Variants in FABP7 observed in about 807,000 individuals in gnomAD.
The protein encoded by FABP7 is fatty acid binding protein 7, also known as fatty acid-binding protein, brain.
FABP7 carries 13 observed loss-of-function variants against 14.2 expected under a neutral mutation model. The ratio of observed to expected loss-of-function variants is 0.91; its 90% CI spans 0.59 to 1.45. The LOEUF (loss-of-function observed/expected upper bound fraction) is 1.45, where lower values mean the gene tolerates loss of function less well. FABP7 is among the 40% of genes most tolerant of loss of function. The pLI, the probability that FABP7 is intolerant of heterozygous loss-of-function variation, is 0.00. For missense variants in FABP7, 149 were observed against 157.6 expected (o/e 0.95, Z 0.29); for synonymous variants, 49 against 51.4 (o/e 0.95, Z 0.20).
At chr6:122,767,792 A>G in the FABP7 span, among the ~76,000 whole-genome samples, 1 of 151,238 alleles carries the variant, frequency 6.6e-6, no homozygotes, top group Admixed American at 6.6e-5. Flanking sequence ...AGAGAAAAAA[A>G]GGGCTTGGTA....
chr6:122,752,706 T>C, the FABP7 span, among the ~76,000 whole-genome samples: 2 of 152,186 alleles, frequency 1.3e-5, no homozygotes, highest in Non-Finnish European at 2.9e-5. Flanking sequence ...CAGGACACCA[T>C]GGGTGAATTT....
At chr6:122,779,526 T>C, upstream of FABP7, 1 of 483,030 alleles carries the variant, frequency 2.1e-6, no homozygotes, top group Non-Finnish European at 3.8e-6. Flanking sequence ...CTCGACCTAC[T>C]CCGCTAACCC....
At chr6:122,760,340 T>C in the FABP7 span, among the ~76,000 whole-genome samples, 1 of 152,200 alleles carries the variant, frequency 6.6e-6, no homozygotes, top group African/African-American at 2.4e-5. Flanking sequence ...TGAAGTCTAC[T>C]TTATCTCATA....
chr6:122,755,610 C>G, the FABP7 span, among the ~76,000 whole-genome samples: 6 of 151,564 alleles, frequency 4.0e-5, no homozygotes, highest in Non-Finnish European at 7.4e-5. Context: ...CCTGCCACCA[C>G]GCCCGGCTAA....
chr6:122,759,497 C>T, the FABP7 span, among the ~76,000 whole-genome samples: 1 of 152,154 alleles, frequency 6.6e-6, no homozygotes, highest in East Asian at 1.9e-4. Flanking sequence ...CTTAATCAGG[C>T]TTAATCAGAG....
rs1317257411 is a variant in FABP7, at chr6:122,783,719, C to A, written c.351C>A (p.Thr117=). 3.7e-6 allele frequency: 6 copies of A among 1,602,764 alleles called. No homozygotes were observed. In the African/African-American group the frequency reaches 8.1e-5, roughly 22 times the overall value. Residue 117 remains threonine (T), a splice_region_variant and synonymous_variant, in exon 4 of 4, where the codon ACC becomes ACA. Transcript: ENST00000368444. The part of the protein sequence containing the change: ...REIKDGKMVM[T]LTFGDVVAVR... Reference sequence around the variant, plus strand: ...TGATTATCTTTTGAACCTTGCAGACCCTTACTTTTGGTGATGTGGTTGCTG... The same window carrying A: ...TGATTATCTTTTGAACCTTGCAGACACTTACTTTTGGTGATGTGGTTGCTG...
At chr6:122,780,009 C>T (rs979448889) in intron 1 of FABP7, 142 bp downstream of exon 1, 1 of 864,792 alleles carries the variant, frequency 1.2e-6, no homozygotes, top group East Asian at 2.6e-5. Flanking sequence ...GCATTTTCCA[C>T]TGAATGGATT....
chr6:122,760,285 A>G, the FABP7 span, among the ~76,000 whole-genome samples: 1 of 152,142 alleles, frequency 6.6e-6, no homozygotes, highest in Non-Finnish European at 1.5e-5. Flanking sequence ...TGATACTTTA[A>G]TCCTGTAAAA....
At chr6:122,764,648 ATGT>A in the FABP7 span, among the ~76,000 whole-genome samples, 1 of 152,144 alleles carries the variant, frequency 6.6e-6, no homozygotes, top group Non-Finnish European at 1.5e-5. Flanking sequence ...TCTTCCCTTG[ATGT>A]TGTAAGTCAA....
intron 3 of FABP7, chr6:122,781,825 T>C: frequency 1.8e-6 from 1 of 548,924 alleles, no homozygotes; most frequent in Non-Finnish European, 2.3e-6. Flanking sequence ...CACTGCAACC[T>C]CTGCTTCATG....
the FABP7 span, among the ~76,000 whole-genome samples, chr6:122,756,592 CTCTA>C: frequency 1.2e-4 from 18 of 152,194 alleles, no homozygotes; most frequent in African/African-American, 2.4e-5. Context: ...CTTCAATCCT[CTCTA>C]TCTAACTACT....
chr6:122,776,181 C>A (rs1375750975), upstream of FABP7, among the ~76,000 whole-genome samples: 1 of 151,998 alleles, frequency 6.6e-6, no homozygotes, highest in East Asian at 1.9e-4. Flanking sequence ...GTGTATATAT[C>A]CAAAAGAAAG....
the FABP7 span, among the ~76,000 whole-genome samples, chr6:122,759,685 T>C: frequency 6.6e-6 from 1 of 152,198 alleles, no homozygotes; most frequent in Non-Finnish European, 1.5e-5. Context: ...TTATATATGG[T>C]GAGGAATATA....
chr6:122,778,026 G>A (rs777519865), upstream of FABP7, among the ~76,000 whole-genome samples: 2 of 152,018 alleles, frequency 1.3e-5, no homozygotes, highest in Admixed American at 6.6e-5. Context: ...TGCCTTCCAT[G>A]TATTGATTTA....
the FABP7 span, among the ~76,000 whole-genome samples, chr6:122,757,371 T>A: frequency 3.3e-5 from 5 of 152,012 alleles, no homozygotes; most frequent in African/African-American, 1.2e-4. Context: ...TGGGGCTGAG[T>A]AGGAATCACC....
rs1039688748 is a variant in FABP7 at position 122,783,380 on chromosome 6, C to T, written c.349-337C>T. On this transcript the variant is annotated intron_variant, in intron 3 of 3. Coordinates refer to ENST00000368444, the MANE Select transcript of FABP7 (RefSeq NM_001446.5). Reference sequence around the variant, plus strand: ...ACTGTTATGTAAACCTATTATAAAACTCATTCACTTTTAAAGCAGATAGTT... The same window carrying T: ...ACTGTTATGTAAACCTATTATAAAATTCATTCACTTTTAAAGCAGATAGTT... The T allele has an allele frequency of 3.0e-6, 3 of 984,354 alleles. No individual in the cohort carries two copies. The Admixed American group carries it at 1.8e-4, about 61-fold the overall frequency. The allele number at this position is 984,354 out of a possible 1,614,324, so 61.0% of individuals were successfully genotyped here.
upstream of FABP7, among the ~76,000 whole-genome samples, chr6:122,778,168 G>C (rs1780706604): frequency 6.6e-6 from 1 of 152,176 alleles, no homozygotes; most frequent in Non-Finnish European, 1.5e-5. Context: ...TATTGGTTCA[G>C]AGTAAACTTC....
the FABP7 span, among the ~76,000 whole-genome samples, chr6:122,750,634 G>A: frequency 6.6e-6 from 1 of 152,164 alleles, no homozygotes; most frequent in Non-Finnish European, 1.5e-5. Context: ...TAAGACATAT[G>A]TTTAATGGTA....
the FABP7 span, among the ~76,000 whole-genome samples, chr6:122,761,291 C>G: frequency 1.8e-4 from 27 of 152,102 alleles, no homozygotes; most frequent in African/African-American, 6.5e-4. Context: ...TATAGAAATA[C>G]CAAAGAACTC....
Sources: allele counts gnomAD v4.1 joint callset (sites outside exome capture counted in the v4.1 genomes callset), GRCh38; gene constraint gnomAD v4.1.1; transcripts MANE v1.5; gene names NCBI Gene and HGNC (gene_info 2026-07-23, HGNC 2026-07-21).